The following MYCN variants were observed in gnomAD, a reference collection of about 807,000 sequenced individuals.
The protein encoded by MYCN is N-myc proto-oncogene protein.
A neutral mutation model predicts 28.1 loss-of-function variants in MYCN; 3 were observed. The ratio of observed to expected loss-of-function variants is 0.11; its 90% CI spans 0.05 to 0.28. The LOEUF (loss-of-function observed/expected upper bound fraction) is 0.28. Ranked by LOEUF, MYCN falls within the 10% of genes least tolerant of loss-of-function variation. The probability of loss-of-function intolerance (pLI) is 1.00; values close to 1 mark genes in which losing one functional copy is unlikely to be tolerated. For synonymous variants in MYCN, 326 were observed against 288.3 expected (o/e 1.13, Z -1.32); for missense variants, 572 against 651.4 (o/e 0.88, Z 1.33).
In MYCN at chr2:15,942,529, C is replaced by G; in HGVS notation, c.465C>G (p.Ala155=). 1 of 1,377,604 alleles carries G rather than the reference C, an allele frequency of 7.3e-7. No individual in the cohort carries two copies. The highest frequency in any genetic ancestry group is 9.3e-7 in the Non-Finnish European group (1 of 1,070,530). The allele number at this position is 1,377,604 out of a possible 1,614,324, so 85.3% of individuals were successfully genotyped here. A position where few individuals can be genotyped will look rare whatever the true frequency, so the allele number is the denominator to read the frequency against. The change falls in exon 2 of 3, where the codon GCC becomes GCG. Residue 155 remains alanine, a synonymous_variant. Coordinates refer to ENST00000281043, the MANE Select transcript of MYCN (RefSeq NM_005378.6). The surrounding 1 kb of genome is among the most constrained non-coding windows in gnomAD (Gnocchi z 7.0). The part of the protein sequence containing the change: ...STAQSPGAGA[A]SPAGRGHGGA... The stretch of plus-strand genomic sequence containing the variant: ...CCCAGTCCCCGGGAGCCGGCGCCGC[C>G]AGCCCTGCGGGTCGCGGGCACGGCG...
rs1390022562 is a variant in MYCN at position 15,942,026 on chromosome 2, C to A, written c.-39C>A. ...ACCCCCGGTATTAAAACGAACGGGG[C>A]GGAAAGAAGCCCTCAGTCGCCGGCC... is the stretch of plus-strand genomic sequence containing the variant. On this transcript the variant is annotated 5_prime_UTR_variant, in exon 2 of 3. Transcript: ENST00000281043. The surrounding 1 kb of genome is among the most constrained non-coding windows in gnomAD (Gnocchi z 7.0). The A allele has an allele frequency of 3.7e-6, 6 of 1,612,152 alleles. No individual in the cohort carries two copies. Among genetic ancestry groups the A allele is most frequent in the Non-Finnish European group, 5.1e-6 (6 of 1,179,656 alleles).
Position 15,942,825 on chromosome 2 carries a change from C to T in MYCN, c.761C>T (p.Thr254Ile). 2 of 1,578,572 alleles carry T rather than the reference C, an allele frequency of 1.3e-6. No homozygotes were observed. Among genetic ancestry groups the T allele is most frequent in the Non-Finnish European group, 1.7e-6 (2 of 1,169,820 alleles). The change falls in exon 2 of 3, where the codon ACC (threonine) becomes ATC (isoleucine). Residue 254 changes from threonine (T) to isoleucine (I), a missense_variant. By Grantham distance (89) the Thr-to-Ile change is moderately conservative. This residue lies in a region of MYCN where 499 missense variants were observed against 524.3 expected (regional missense o/e 0.95). Coordinates refer to ENST00000281043, the MANE Select transcript of MYCN (RefSeq NM_005378.6). This position sits in a 1 kb window ranked among gnomAD's most constrained non-coding sequence, Gnocchi z 7.0. ...GGCGGCGACCACAAGGCCCTCAGTA[C>T]CTCCGGAGAGGACACCCTGAGCGAT... ...TSGGDHKALSTSGEDTLSDSD... is the reference protein window; with the variant it reads ...TSGGDHKALSISGEDTLSDSD...
chr2:15,944,077 TGTGCCTTGACAGCTTTTG>T (rs1035426524), intron 2 of MYCN, among the ~76,000 whole-genome samples: 19 of 152,216 alleles, frequency 1.2e-4, no homozygotes, highest in Non-Finnish European at 2.1e-4. Context: ...CTTTAATGTC[TGTGCCTTGACAGCTTTTG>T]GTGAGGAAGC....
rs2103331683 is a variant in MYCN, at chr2:15,945,917, G to A, written c.1215G>A (p.Arg405=). Residue 405 remains arginine (R), a synonymous_variant, in exon 3 of 3, where the codon AGG becomes AGA. Coordinates refer to ENST00000281043, the MANE Select transcript of MYCN (RefSeq NM_005378.6). This position sits in a 1 kb window ranked among gnomAD's most constrained non-coding sequence, Gnocchi z 4.8. ...TTCGGTCCAGCTTTCTCACGCTCAGGGACCACGTGCCGGAGTTGGTAAAGA... is the reference window on the plus strand; with the variant it reads ...TTCGGTCCAGCTTTCTCACGCTCAGAGACCACGTGCCGGAGTTGGTAAAGA... The part of the protein sequence containing the change: ...NDLRSSFLTL[R]DHVPELVKNE... 6.2e-7 allele frequency: 1 copy of A among 1,614,142 alleles called. No individual in the cohort carries two copies. The highest frequency in any genetic ancestry group is 8.5e-7 in the Non-Finnish European group (1 of 1,180,042).
chr2:15,946,477 A>G lies in MYCN; in HGVS notation c.*380A>G, dbSNP rs901770772. On this transcript the variant is annotated 3_prime_UTR_variant, in exon 3 of 3. Coordinates refer to ENST00000281043, the MANE Select transcript of MYCN (RefSeq NM_005378.6). ...TGCCACATAAGGGGTTTGCCATTTG[A>G]TACCCCTGGGGAACATTTCTGTAAA... 41 of 403,024 alleles carry G rather than the reference A, an allele frequency of 1.0e-4. No individual in the cohort carries two copies. The highest frequency in any genetic ancestry group is 7.5e-4 in the African/African-American group (38 of 50,544). The allele number at this position is 403,024 out of a possible 1,614,324, so 25.0% of individuals were successfully genotyped here. A position where few individuals can be genotyped will look rare whatever the true frequency, so the allele number is the denominator to read the frequency against.
rs1662675527 is a variant in MYCN at position 15,941,660 on chromosome 2, A to G, written c.-117-288A>G. The G allele has an allele frequency of 3.2e-6, 1 of 314,454 alleles. No individual in the cohort carries two copies. Among genetic ancestry groups the G allele is most frequent in the South Asian group, 4.1e-5 (1 of 24,374 alleles). The allele number at this position is 314,454 out of a possible 1,614,324, so 19.5% of individuals were successfully genotyped here. A position where few individuals can be genotyped will look rare whatever the true frequency, so the allele number is the denominator to read the frequency against. On this transcript the variant is annotated intron_variant, in intron 1 of 2. Transcript: ENST00000281043. This position sits in a 1 kb window ranked among gnomAD's most constrained non-coding sequence, Gnocchi z 4.8. The stretch of plus-strand genomic sequence containing the variant: ...GCAGCCAGGAACAGCCCCCTCCCCC[A>G]GGCAGTGCCTTGTGTGAATGAAATG...
chr2:15,940,552 G>A lies in MYCN; in HGVS notation c.-309G>A, dbSNP rs1325054585. The A allele has an allele frequency of 1.8e-5, 7 of 399,386 alleles. No individual in the cohort carries two copies. Among genetic ancestry groups the A allele is most frequent in the Admixed American group, 8.8e-5 (2 of 22,702 alleles). The allele number at this position is 399,386 out of a possible 1,614,324, so 24.7% of individuals were successfully genotyped here. On this transcript the variant is annotated 5_prime_UTR_variant, in exon 1 of 3. Transcript: ENST00000281043. ...ATATCCCCCGAGCTTCAAAGCGCAG[G>A]CTGTGACAGTCATCTGTCTGGACGC...
rs140567920 is a variant in MYCN at position 15,945,956 on chromosome 2, C to T, written c.1254C>T (p.Ala418=). The T allele has an allele frequency of 1.4e-4, 220 of 1,614,130 alleles. 5 individuals carry two copies. The East Asian group carries it at 4.8e-3, about 35-fold the overall frequency. Residue 418 remains alanine (A), a synonymous_variant, in exon 3 of 3, where the codon GCC becomes GCT. Transcript: ENST00000281043. This position sits in a 1 kb window ranked among gnomAD's most constrained non-coding sequence, Gnocchi z 4.8. The stretch of plus-strand genomic sequence containing the variant: ...AGTTGGTAAAGAATGAGAAGGCCGC[C>T]AAGGTGGTCATTTTGAAAAAGGCCA... ...VPELVKNEKA[A]KVVILKKATE...
chr2:15,942,968 G>T lies in MYCN; in HGVS notation c.790+114G>T. 2 of 1,298,048 alleles carry T rather than the reference G, an allele frequency of 1.5e-6. No individual in the cohort carries two copies. Among genetic ancestry groups the T allele is most frequent in the Non-Finnish European group, 2.1e-6 (2 of 970,242 alleles). The allele number at this position is 1,298,048 out of a possible 1,614,324, so 80.4% of individuals were successfully genotyped here. A position where few individuals can be genotyped will look rare whatever the true frequency, so the allele number is the denominator to read the frequency against. ...GGGGAGCATTTTGGAGGCAGTGCTA[G>T]GGGCAGAGAGGTCCTGTTTCCCCCA... On this transcript the variant is annotated intron_variant, in intron 2 of 2. Transcript: ENST00000281043. The surrounding 1 kb of genome is among the most constrained non-coding windows in gnomAD (Gnocchi z 7.0).
chr2:15,944,370 T>C (rs778921940), intron 2 of MYCN, among the ~76,000 whole-genome samples: 1 of 152,212 alleles, frequency 6.6e-6, no homozygotes, highest in African/African-American at 2.4e-5. Context: ...GTTGCTGTTA[T>C]TATTGGTGGC....
Position 15,941,934 on chromosome 2 carries a change from T to C in MYCN, c.-117-14T>C. On this transcript the variant is annotated splice_polypyrimidine_tract_variant and intron_variant, in intron 1 of 2. Coordinates refer to ENST00000281043, the MANE Select transcript of MYCN (RefSeq NM_005378.6). The surrounding 1 kb of genome is among the most constrained non-coding windows in gnomAD (Gnocchi z 4.8). ...CCGTTTGCCCACCCTCTCCGGTGTG[T>C]CTGTCGGTTGCAGTGTTGGAGGTCG... is the stretch of plus-strand genomic sequence containing the variant. The C allele has an allele frequency of 8.7e-7, 1 of 1,151,138 alleles. No individual in the cohort carries two copies. The highest frequency in any genetic ancestry group is 2.1e-5 in the Admixed American group (1 of 48,562). 71.3% of individuals were successfully genotyped at this position (1,151,138 alleles called of 1,614,324 possible). A position where few individuals can be genotyped will look rare whatever the true frequency, so the allele number is the denominator to read the frequency against.
chr2:15,944,073 T>C (rs999154317), intron 2 of MYCN, among the ~76,000 whole-genome samples: 2 of 152,162 alleles, frequency 1.3e-5, no homozygotes, highest in Admixed American at 6.5e-5. Context: ...GTCCCTTTAA[T>C]GTCTGTGCCT....
rs748260335 is a variant in MYCN at position 15,942,037 on chromosome 2, C to G, written c.-28C>G. 2 of 1,612,954 alleles carry G rather than the reference C, an allele frequency of 1.2e-6. No homozygotes were observed. The highest frequency in any genetic ancestry group is 1.1e-5 in the South Asian group (1 of 91,054). On this transcript the variant is annotated 5_prime_UTR_variant, in exon 2 of 3. Coordinates refer to ENST00000281043, the MANE Select transcript of MYCN (RefSeq NM_005378.6). The surrounding 1 kb of genome is among the most constrained non-coding windows in gnomAD (Gnocchi z 7.0). ...TAAAACGAACGGGGCGGAAAGAAGC[C>G]CTCAGTCGCCGGCCGGGAGGCGAGC... is the stretch of plus-strand genomic sequence containing the variant.
Position 15,941,745 on chromosome 2 carries a change from C to G in MYCN, c.-117-203C>G, listed in dbSNP as rs942444707. ...CCCTGCATCTGCATGCCCCCTCCCA[C>G]CCCCTGTCGTAGACAGCTTGTACAC... On this transcript the variant is annotated intron_variant, in intron 1 of 2. Transcript: ENST00000281043. The surrounding 1 kb of genome is among the most constrained non-coding windows in gnomAD (Gnocchi z 4.8). 3 of 491,604 alleles carry G rather than the reference C, an allele frequency of 6.1e-6. No homozygotes were observed. Among genetic ancestry groups the G allele is most frequent in the Non-Finnish European group, 1.1e-5 (3 of 272,038 alleles). 30.5% of individuals were successfully genotyped at this position (491,604 alleles called of 1,614,324 possible).
chr2:15,941,771 A>C lies in MYCN; in HGVS notation c.-117-177A>C. 7.4e-6 allele frequency: 4 copies of C among 539,312 alleles called. No individual in the cohort carries two copies. Among genetic ancestry groups the C allele is most frequent in the Non-Finnish European group, 1.0e-5 (3 of 298,162 alleles). 33.4% of individuals were successfully genotyped at this position (539,312 alleles called of 1,614,324 possible). On this transcript the variant is annotated intron_variant, in intron 1 of 2. Transcript: ENST00000281043. This position sits in a 1 kb window ranked among gnomAD's most constrained non-coding sequence, Gnocchi z 4.8. ...CCCCTGTCGTAGACAGCTTGTACAC[A>C]AAAGGAGGGCGGGAGGGAGGGAGCG...
Position 15,941,814 on chromosome 2 carries a change from C to T in MYCN, c.-117-134C>T. ...AGGGAGCGAGAGGCACAACTTCCTCCACCTTCGGGAGCAGTGGGCAGAGTG... is the reference window on the plus strand; with the variant it reads ...AGGGAGCGAGAGGCACAACTTCCTCTACCTTCGGGAGCAGTGGGCAGAGTG... On this transcript the variant is annotated intron_variant, in intron 1 of 2. Transcript: ENST00000281043. The surrounding 1 kb of genome is among the most constrained non-coding windows in gnomAD (Gnocchi z 4.8). The T allele has an allele frequency of 1.7e-6, 1 of 592,364 alleles. No individual in the cohort carries two copies. Among genetic ancestry groups the T allele is most frequent in the Non-Finnish European group, 3.0e-6 (1 of 331,950 alleles). 36.7% of individuals were successfully genotyped at this position (592,364 alleles called of 1,614,324 possible).
rs142866857 is a variant in MYCN at position 15,946,199 on chromosome 2, C to A, written c.*102C>A. ...TAAGAATGTTGGTTTACTTTCAAAT[C>A]GGTCCCCTGTCGAGTTCGGCTCTGG... On this transcript the variant is annotated 3_prime_UTR_variant, in exon 3 of 3. Transcript: ENST00000281043. 2.0e-5 allele frequency: 31 copies of A among 1,558,612 alleles called. No individual in the cohort carries two copies. Among genetic ancestry groups the A allele is most frequent in the Non-Finnish European group, 2.6e-5 (30 of 1,139,632 alleles).
Position 15,941,980 on chromosome 2 carries a change from C to A in MYCN, c.-85C>A. 5 of 1,549,302 alleles carry A rather than the reference C, an allele frequency of 3.2e-6. No individual in the cohort carries two copies. Among genetic ancestry groups the A allele is most frequent in the Non-Finnish European group, 4.4e-6 (5 of 1,138,442 alleles). ...GGTCGGCGCCGGCCCCCGCCTTCCG[C>A]GCCCCCCACGGGAAGGAAGCACCCC... is the stretch of plus-strand genomic sequence containing the variant. On this transcript the variant is annotated 5_prime_UTR_variant, in exon 2 of 3. Coordinates refer to ENST00000281043, the MANE Select transcript of MYCN (RefSeq NM_005378.6). The surrounding 1 kb of genome is among the most constrained non-coding windows in gnomAD (Gnocchi z 4.8).
rs1662752175 is a variant in MYCN at position 15,943,006 on chromosome 2, G to A, written c.790+152G>A. The A allele has an allele frequency of 6.6e-6, 7 of 1,056,740 alleles. No homozygotes were observed. The South Asian group carries it at 1.2e-4, about 19-fold the overall frequency. 65.5% of individuals were successfully genotyped at this position (1,056,740 alleles called of 1,614,324 possible). On this transcript the variant is annotated intron_variant, in intron 2 of 2. Coordinates refer to ENST00000281043, the MANE Select transcript of MYCN (RefSeq NM_005378.6). ...CCTGTTTCCCCCAAGTCTCTCCTCG[G>A]GGTAAAGAGAAGGGGCTGAGAGAAT...
Sources: gnomAD v4.1 joint callset for allele counts (sites outside exome capture counted in the v4.1 genomes callset) on GRCh38, gnomAD v4.1.1 for gene constraint, gnomAD v4.1.1 regional missense constraint, Gnocchi (gnomAD v3.1) non-coding constraint, MANE v1.5 for transcripts, NCBI Gene and HGNC (gene_info 2026-07-23, HGNC 2026-07-21) for gene names.